ENPEP: variants seen among roughly 807,000 people sequenced by gnomAD.
The protein encoded by ENPEP is AP-A.
Under a neutral mutation model 114.5 loss-of-function variants are expected in ENPEP, and 103 were observed. The ratio of observed to expected loss-of-function variants is 0.90; its 90% CI spans 0.77 to 1.06. The LOEUF (loss-of-function observed/expected upper bound fraction) is 1.06. Among genes scored for constraint, ENPEP ranks in the 50% least tolerant of loss-of-function variants. ENPEP has a pLI of 0.00. For synonymous variants in ENPEP, 420 were observed against 422.0 expected (o/e 1.00, Z 0.06); for missense variants, 1,196 against 1,161.3 (o/e 1.03, Z -0.43).
intron 11 of ENPEP, among the ~76,000 whole-genome samples, chr4:110,540,741 G>A (rs771081001): frequency 2.0e-5 from 3 of 152,208 alleles, no homozygotes; most frequent in Middle Eastern, 3.4e-3. Flanking sequence ...TATTTGCTTC[G>A]CTATTTATAG....
intron 10 of ENPEP, 94 bp downstream of exon 10, chr4:110,520,460 G>A (rs923379954): frequency 7.7e-7 from 1 of 1,296,482 alleles, no homozygotes; most frequent in East Asian, 2.3e-5. Context: ...TGATGGATGA[G>A]TGATATACAA....
In ENPEP at chr4:110,542,643, A is replaced by G. The variant is rs966730561; in HGVS notation, c.1808-108A>G. The G allele has an allele frequency of 1.4e-5, 16 of 1,153,388 alleles. No individual in the cohort carries two copies. In the Admixed American group the frequency reaches 1.8e-4, roughly 13 times the overall value. The allele number at this position is 1,153,388 out of a possible 1,614,324, so 71.4% of individuals were successfully genotyped here. A position where few individuals can be genotyped will look rare whatever the true frequency, so the allele number is the denominator to read the frequency against. ...GATCCAAATCAAACCTGCCTCCTTG[A>G]GCTAATATTTCTTTTCTTTTATTTT... On this transcript the variant is annotated intron_variant, in intron 11 of 19. Transcript: ENST00000265162.
At position 110,553,364 on chromosome 4, in the gene ENPEP, T is replaced by TA; in HGVS notation, c.2551_2552insA (p.Phe851TyrfsTer10). Reference sequence around the variant, plus strand: ...GAACCTTATTAAAACTCAGGATGTGTTTACAGTCATTCGATATATCTCATA... The same window carrying TA: ...GAACCTTATTAAAACTCAGGATGTGTATTACAGTCATTCGATATATCTCATA... On this transcript the variant is annotated frameshift_variant, in exon 18 of 20. Coordinates refer to ENST00000265162, the MANE Select transcript of ENPEP (RefSeq NM_001977.4). LOFTEE classifies it high-confidence loss of function. The TA allele has an allele frequency of 1.9e-6, 3 of 1,611,252 alleles. No individual in the cohort carries two copies. The highest frequency in any genetic ancestry group is 2.5e-6 in the Non-Finnish European group (3 of 1,178,088).
chr4:110,495,715 G>A (rs1468754803), intron 3 of ENPEP, among the ~76,000 whole-genome samples: 4 of 152,042 alleles, frequency 2.6e-5, no homozygotes, highest in South Asian at 2.1e-4. Context: ...AGCAAGACTC[G>A]GTCTCAAAAG....
chr4:110,551,653 C>T (rs779163729), intron 17 of ENPEP, among the ~76,000 whole-genome samples: 14 of 152,158 alleles, frequency 9.2e-5, no homozygotes, highest in Non-Finnish European at 1.8e-4. Flanking sequence ...CTGATTATTC[C>T]CAAGAGTTCT....
intron 3 of ENPEP, among the ~76,000 whole-genome samples, chr4:110,499,338 G>A (rs1444622436): frequency 2.6e-5 from 4 of 152,152 alleles, no homozygotes; most frequent in Non-Finnish European, 5.9e-5. Flanking sequence ...TTTACAGCTG[G>A]GGAGGTCAAG....
chr4:110,521,409 A>G lies in ENPEP; in HGVS notation c.1727+1043A>G, dbSNP rs909650157. ...ATAATAAAATAAAATAAAATAAATA[A>G]TTATATATATACACATATATGTATG... On this transcript the variant is annotated intron_variant, in intron 10 of 19. Transcript: ENST00000265162. 1.3e-4 allele frequency among the ~76,000 whole-genome samples: 20 copies of G among 151,434 alleles called. No individual in the cohort carries two copies. The East Asian group carries it at 3.9e-3, about 29-fold the overall frequency.
At chr4:110,536,717 C>G (rs1000586411) in intron 11 of ENPEP, among the ~76,000 whole-genome samples, 2 of 152,224 alleles carry the variant, frequency 1.3e-5, no homozygotes, top group Non-Finnish European at 2.9e-5. Flanking sequence ...CAGATCTTCA[C>G]TACCCAACTC....
rs1727363301 is a variant in ENPEP at position 110,553,411 on chromosome 4, G to A, written c.2598G>A (p.Met866Ile). The A allele has an allele frequency of 2.5e-6, 4 of 1,611,054 alleles. No individual in the cohort carries two copies. Among genetic ancestry groups the A allele is most frequent in the African/African-American group, 2.7e-5 (2 of 74,804 alleles). ...CATATAACAGCTATGGGAAGAACAT[G>A]GCCTGGAATTGGATACAACTCAACT... ...YISYNSYGKN[M>I]AWNWIQLNWD... is the part of the protein sequence containing the mutation. The change falls in exon 18 of 20, where the codon ATG becomes ATA. Residue 866 changes from methionine to isoleucine, a missense_variant. Coordinates refer to ENST00000265162, the MANE Select transcript of ENPEP (RefSeq NM_001977.4).
rs3042468 is a variant in ENPEP at position 110,548,139 on chromosome 4, G to GTTTTTTTT, written c.2001-19_2001-12dup. 1,166 of 691,624 alleles carry GTTTTTTTT rather than the reference G, an allele frequency of 1.7e-3. 10 individuals are homozygous for GTTTTTTTT. The highest frequency in any genetic ancestry group is 4.1e-3 in the Admixed American group (51 of 12,564). The allele number at this position is 691,624 out of a possible 1,614,324, so 42.8% of individuals were successfully genotyped here. A position where few individuals can be genotyped will look rare whatever the true frequency, so the allele number is the denominator to read the frequency against. On this transcript the variant is annotated intron_variant, in intron 13 of 19. Transcript: ENST00000265162. ...GTCTGTGGTTTTTAATTAACTGTGA[G>GTTTTTTTT]TTTTTTTTTTTTTTTTTTTTTTTTT...
chr4:110,517,321 C>A (rs754302183), intron 8 of ENPEP, among the ~76,000 whole-genome samples: 16 of 152,024 alleles, frequency 1.1e-4, no homozygotes, highest in Non-Finnish European at 2.1e-4. Flanking sequence ...ACACATGTTA[C>A]GTCATCCTGA....
chr4:110,486,356 C>T (rs1724499092), intron 1 of ENPEP, among the ~76,000 whole-genome samples: 2 of 152,190 alleles, frequency 1.3e-5, no homozygotes, highest in Non-Finnish European at 2.9e-5. Context: ...TTTTCCTGAT[C>T]TGGCCTCTGC....
intron 13 of ENPEP, among the ~76,000 whole-genome samples, chr4:110,547,196 A>G (rs1727102228): frequency 6.6e-6 from 1 of 152,072 alleles, no homozygotes; most frequent in Admixed American, 6.6e-5. Flanking sequence ...TCTTCATTTT[A>G]TTTGGTGGAA....
chr4:110,481,285 A>T (rs1270933647), intron 1 of ENPEP, among the ~76,000 whole-genome samples: 2 of 151,770 alleles, frequency 1.3e-5, no homozygotes, highest in African/African-American at 4.8e-5. Context: ...GATGAGATCC[A>T]GGCTGGGGTA....
chr4:110,491,714 CTTTCTT>C (rs1724730659), intron 3 of ENPEP, among the ~76,000 whole-genome samples: 1 of 143,532 alleles, frequency 7.0e-6, no homozygotes, highest in East Asian at 2.0e-4. Context: ...AGTTTTCTTT[CTTTCTT>C]TTTTTTTTTT....
intron 8 of ENPEP, chr4:110,515,806 A>C (rs1359366719): frequency 4.4e-6 from 2 of 458,470 alleles, no homozygotes. Flanking sequence ...CCAAGATCAA[A>C]GTGCTGGCTG....
At chr4:110,519,983 C>A in intron 8 of ENPEP, 25 bp from the exon 9 acceptor site, 1 of 1,601,426 alleles carries the variant, frequency 6.2e-7, no homozygotes, top group Non-Finnish European at 8.5e-7. Flanking sequence ...TGACTTCTAA[C>A]ATGCTGATTA....
At chr4:110,536,407 C>T (rs1327385773) in intron 11 of ENPEP, among the ~76,000 whole-genome samples, 1 of 152,208 alleles carries the variant, frequency 6.6e-6, no homozygotes, top group East Asian at 1.9e-4. Flanking sequence ...CTTGGAATCC[C>T]TCACTGGTTC....
At chr4:110,491,504 C>A (rs1256819797) in intron 3 of ENPEP, among the ~76,000 whole-genome samples, 1 of 152,128 alleles carries the variant, frequency 6.6e-6, no homozygotes, top group East Asian at 1.9e-4. Flanking sequence ...ATGTGTACCT[C>A]TCCCAGATAT....
Sources: gnomAD v4.1 joint callset for allele counts (sites outside exome capture counted in the v4.1 genomes callset) on GRCh38, gnomAD v4.1.1 for gene constraint, MANE v1.5 for transcripts, NCBI Gene and HGNC (gene_info 2026-07-23, HGNC 2026-07-21) for gene names.